Variants in KAZN observed in about 807,000 individuals in gnomAD.
The protein encoded by KAZN is kazrin, periplakin interacting protein, also known as kazrin.
KAZN carries 40 observed loss-of-function variants against 87.4 expected under a neutral mutation model. The ratio of observed to expected loss-of-function variants is 0.46; its 90% CI spans 0.36 to 0.60. The LOEUF is 0.60. Ranked by LOEUF, KAZN falls within the 20% of genes least tolerant of loss-of-function variation. The pLI, the probability that KAZN is intolerant of heterozygous loss-of-function variation, is 0.00. For synonymous variants in KAZN, 466 were observed against 458.3 expected (o/e 1.02, Z -0.22); for missense variants, 898 against 1,073.9 (o/e 0.84, Z 2.29).
intron 1 of KAZN, among the ~76,000 whole-genome samples, chr1:14,849,073 A>G (rs560305231): frequency 6.6e-6 from 1 of 152,282 alleles, no homozygotes; most frequent in Non-Finnish European, 1.5e-5. Flanking sequence ...AACTGAGGCT[A>G]GGGTGGCTGA....
chr1:14,204,232 A>G (rs932857760), intron 2 of KAZN, among the ~76,000 whole-genome samples: 2 of 152,172 alleles, frequency 1.3e-5, no homozygotes, highest in Non-Finnish European at 2.9e-5. Flanking sequence ...TTATTTTCCA[A>G]ATAATCACCA....
chr1:14,551,910 G>A (rs1187617210), intron 2 of KAZN, among the ~76,000 whole-genome samples: 1 of 152,126 alleles, frequency 6.6e-6, no homozygotes, highest in Non-Finnish European at 1.5e-5. Context: ...AAAGCAGCCT[G>A]ATGTCATGTA....
At chr1:14,028,735 G>C (rs966940642) in intron 1 of KAZN, among the ~76,000 whole-genome samples, 1 of 152,182 alleles carries the variant, frequency 6.6e-6, no homozygotes, top group Admixed American at 6.5e-5. Context: ...AGTTTCAAAA[G>C]GTTTGCCTTT....
intron 2 of KAZN, among the ~76,000 whole-genome samples, chr1:14,416,693 C>T (rs779690074): frequency 3.3e-5 from 5 of 151,810 alleles, no homozygotes; most frequent in South Asian, 2.1e-4. Context: ...GCTGAGATCA[C>T]GCCACTGCAC....
intron 2 of KAZN, among the ~76,000 whole-genome samples, chr1:14,246,697 T>A (rs1166261718): frequency 1.3e-5 from 2 of 152,242 alleles, no homozygotes; most frequent in East Asian, 1.9e-4. Context: ...TTCTTTATAG[T>A]TTTGCCTAAA....
chr1:14,297,792 T>C (rs1160756482), intron 2 of KAZN, among the ~76,000 whole-genome samples: 1 of 152,230 alleles, frequency 6.6e-6, no homozygotes. Flanking sequence ...AATTATAATG[T>C]AAGCCCTGAA....
intron 2 of KAZN, among the ~76,000 whole-genome samples, chr1:14,370,873 T>C (rs1660423796): frequency 6.6e-6 from 1 of 152,086 alleles, no homozygotes; most frequent in Non-Finnish European, 1.5e-5. Flanking sequence ...TTAGTAGGGA[T>C]GGAGTTTTGT....
At chr1:14,723,104 T>C (rs949732428) in intron 1 of KAZN, among the ~76,000 whole-genome samples, 1 of 152,020 alleles carries the variant, frequency 6.6e-6, no homozygotes, top group African/African-American at 2.4e-5. Flanking sequence ...CTGGTCTGGG[T>C]GACAGAGTGA....
chr1:14,884,269 G>A (rs749999232), intron 1 of KAZN, among the ~76,000 whole-genome samples: 5 of 152,130 alleles, frequency 3.3e-5, no homozygotes, highest in African/African-American at 1.2e-4. Context: ...GCGGGCACCT[G>A]TAGTCCCAGC....
At chr1:14,679,203 G>A (rs934675656) in intron 1 of KAZN, among the ~76,000 whole-genome samples, 1 of 152,146 alleles carries the variant, frequency 6.6e-6, no homozygotes, top group Non-Finnish European at 1.5e-5. Context: ...AGGCCATGTA[G>A]GGCCGCATGA....
chr1:14,145,504 T>G (rs183818488), intron 1 of KAZN, among the ~76,000 whole-genome samples: 22 of 152,220 alleles, frequency 1.4e-4, no homozygotes, highest in Non-Finnish European at 2.8e-4. Context: ...GACTTTATTT[T>G]TACTTTTCCC....
chr1:14,794,610 C>T (rs1487109381), intron 1 of KAZN, among the ~76,000 whole-genome samples: 1 of 152,176 alleles, frequency 6.6e-6, no homozygotes, highest in African/African-American at 2.4e-5. Context: ...TACTTGATGT[C>T]CCTGATGGCA....
chr1:14,125,969 G>C (rs1306855790), intron 1 of KAZN, among the ~76,000 whole-genome samples: 1 of 132,338 alleles, frequency 7.6e-6, no homozygotes, highest in Non-Finnish European at 1.6e-5. Flanking sequence ...GGGGTGGGGT[G>C]GGGGGTGGGA....
At chr1:13,984,868 AT>A (rs1364358679) in intron 1 of KAZN, among the ~76,000 whole-genome samples, 4 of 152,244 alleles carry the variant, frequency 2.6e-5, no homozygotes, top group African/African-American at 7.2e-5. Context: ...TTTTTATTCT[AT>A]AAGCAGATAT....
chr1:14,872,929 T>G (rs1652307123), intron 1 of KAZN, among the ~76,000 whole-genome samples: 1 of 140,126 alleles, frequency 7.1e-6, no homozygotes, highest in African/African-American at 2.5e-5. Flanking sequence ...GATGGATGGA[T>G]GGATGGATAG....
intron 1 of KAZN, among the ~76,000 whole-genome samples, chr1:14,761,890 CTTT>C (rs5772600): frequency 4.3e-5 from 6 of 138,874 alleles, no homozygotes; most frequent in Non-Finnish European, 4.7e-5. Flanking sequence ...GTGGCAGAGT[CTTT>C]TTTTTTTTTT....
intron 1 of KAZN, among the ~76,000 whole-genome samples, chr1:14,779,451 G>A (rs557201287): frequency 1.6e-4 from 25 of 152,272 alleles, no homozygotes; most frequent in African/African-American, 3.6e-4. Context: ...GCCTTTGCAC[G>A]TGCAGGCCTC....
chr1:14,137,923 A>G (rs10803461), intron 1 of KAZN, among the ~76,000 whole-genome samples: 84,317 of 151,804 alleles, frequency 0.56, 24,808 homozygotes, highest in East Asian at 0.72. Flanking sequence ...TTCTTCCAGG[A>G]GCTTCAGTGT....
chr1:14,765,417 G>A (rs1293193881), intron 1 of KAZN, among the ~76,000 whole-genome samples: 1 of 152,214 alleles, frequency 6.6e-6, no homozygotes, highest in Non-Finnish European at 1.5e-5. Flanking sequence ...TTACTCTGGG[G>A]AAGGTATAGC....
Sources: gnomAD v4.1 joint callset for allele counts (sites outside exome capture counted in the v4.1 genomes callset) on GRCh38, gnomAD v4.1.1 for gene constraint, MANE v1.5 for transcripts, NCBI Gene and HGNC (gene_info 2026-07-23, HGNC 2026-07-21) for gene names.